Variants in PRKN observed in about 807,000 individuals in gnomAD.
PRKN encodes the protein parkin RBR E3 ubiquitin protein ligase.
PRKN carries 56 observed loss-of-function variants against 59.5 expected under a neutral mutation model. That is an observed-to-expected ratio of 0.94 (90% confidence interval 0.76 to 1.18). PRKN has a LOEUF of 1.18. Ranked by LOEUF, PRKN falls within the 50% of genes most tolerant of loss-of-function variation. The probability of loss-of-function intolerance (pLI) is 0.00; values close to 1 mark genes in which losing one functional copy is unlikely to be tolerated. For synonymous variants in PRKN, 250 were observed against 222.1 expected (o/e 1.13, Z -1.12); for missense variants, 657 against 596.4 (o/e 1.10, Z -1.06).
chr6:161,757,642 A>C (rs1223087666), intron 7 of PRKN, among the ~76,000 whole-genome samples: 1 of 151,976 alleles, frequency 6.6e-6, no homozygotes, highest in Non-Finnish European at 1.5e-5. Flanking sequence ...GTTCAAGACC[A>C]GCCTGACCAA....
At chr6:162,707,172 A>C (rs1234952734) in intron 1 of PRKN, among the ~76,000 whole-genome samples, 2 of 152,208 alleles carry the variant, frequency 1.3e-5, no homozygotes, top group Non-Finnish European at 2.9e-5. Context: ...GACCAAAATC[A>C]AGATAATTCT....
chr6:162,717,927 AT>A (rs892009545), intron 1 of PRKN, among the ~76,000 whole-genome samples: 4 of 152,228 alleles, frequency 2.6e-5, no homozygotes, highest in African/African-American at 9.6e-5. Flanking sequence ...GCTTTTCAGT[AT>A]TTCCAAAACA....
intron 1 of PRKN, among the ~76,000 whole-genome samples, chr6:162,720,169 T>C (rs925713569): frequency 1.2e-4 from 19 of 152,162 alleles, no homozygotes; most frequent in African/African-American, 4.1e-4. Context: ...TCAACAATTA[T>C]GTAAATAAAT....
intron 5 of PRKN, among the ~76,000 whole-genome samples, chr6:162,014,742 T>TACTCC (rs1236890918): frequency 3.9e-5 from 6 of 152,104 alleles, no homozygotes; most frequent in Admixed American, 3.9e-4. Flanking sequence ...GGGAGCTCCT[T>TACTCC]ACTCCACTCC....
At chr6:162,203,993 G>T (rs547685455) in intron 3 of PRKN, among the ~76,000 whole-genome samples, 1 of 152,224 alleles carries the variant, frequency 6.6e-6, no homozygotes, top group Admixed American at 6.5e-5. Flanking sequence ...CCCTGTGCGC[G>T]TGTGTGTGCA....
intron 1 of PRKN, among the ~76,000 whole-genome samples, chr6:162,585,344 A>G (rs1780999348): frequency 6.6e-6 from 1 of 152,184 alleles, no homozygotes; most frequent in Non-Finnish European, 1.5e-5. Flanking sequence ...ATGTCCTCCG[A>G]CAGCAAACTA....
At chr6:162,488,110 T>C (rs1025550320) in intron 1 of PRKN, among the ~76,000 whole-genome samples, 1 of 151,194 alleles carries the variant, frequency 6.6e-6, no homozygotes, top group Non-Finnish European at 1.5e-5. Context: ...ATTTTTCACT[T>C]GTCCTGATAA....
chr6:162,587,170 T>A (rs1387461408), intron 1 of PRKN, among the ~76,000 whole-genome samples: 1 of 152,172 alleles, frequency 6.6e-6, no homozygotes, highest in African/African-American at 2.4e-5. Context: ...GGAGTCTCAC[T>A]CTGTTACCCA....
intron 7 of PRKN, among the ~76,000 whole-genome samples, chr6:161,691,824 T>C (rs897174243): frequency 2.0e-5 from 3 of 152,034 alleles, no homozygotes; most frequent in African/African-American, 4.8e-5. Context: ...GTTGGGTGAG[T>C]CAAACTTTGT....
chr6:162,690,263 G>C (rs1273806826), intron 1 of PRKN, among the ~76,000 whole-genome samples: 4 of 152,142 alleles, frequency 2.6e-5, no homozygotes, highest in Non-Finnish European at 5.9e-5. Context: ...TGCATAAACA[G>C]ACTTGAAATT....
intron 1 of PRKN, among the ~76,000 whole-genome samples, chr6:162,564,684 G>A (rs528784636): frequency 1.6e-4 from 24 of 152,208 alleles, no homozygotes; most frequent in African/African-American, 4.3e-4. Context: ...TACAGGCTAG[G>A]AGAGAATGGC....
At chr6:161,591,335 T>G (rs1274700960) in intron 7 of PRKN, among the ~76,000 whole-genome samples, 1 of 152,118 alleles carries the variant, frequency 6.6e-6, no homozygotes, top group African/African-American at 2.4e-5. Context: ...AGTCACTCAG[T>G]ATCACTAGGG....
chr6:161,885,613 C>T (rs2128230680), intron 6 of PRKN, among the ~76,000 whole-genome samples: 1 of 144,980 alleles, frequency 6.9e-6, no homozygotes, highest in Admixed American at 7.2e-5. Flanking sequence ...TGCAGTGGGC[C>T]AAGATTGCAC....
chr6:161,665,837 C>A (rs571078689), intron 7 of PRKN, among the ~76,000 whole-genome samples: 1 of 152,350 alleles, frequency 6.6e-6, no homozygotes, highest in East Asian at 1.9e-4. Flanking sequence ...CCCCTTTACC[C>A]TCTCAGCAGC....
At chr6:162,054,244 C>T in intron 4 of PRKN, 70 bp from the exon 5 acceptor site, 1 of 935,146 alleles carries the variant, frequency 1.1e-6, no homozygotes, top group Non-Finnish European at 1.7e-6. Flanking sequence ...GACATGTTTC[C>T]ACTTATGTTA....
At position 161,395,548 on chromosome 6, in the gene PRKN, C is replaced by T. The variant is rs558380010; in HGVS notation, c.1084-8671G>A. Among the ~76,000 whole-genome samples the T allele has an allele frequency of 9.9e-5, 15 of 152,176 alleles. No homozygotes were observed. The highest frequency in any genetic ancestry group is 1.9e-4 in the Non-Finnish European group (13 of 68,036). On this transcript the variant is annotated intron_variant, in intron 9 of 11. Transcript: ENST00000366898. This position sits in a 1 kb window ranked among gnomAD's most constrained non-coding sequence, Gnocchi z 5.0. Reference sequence around the variant, plus strand: ...GGACTTTCCATTTTGATTGCTTTCGCGAGCCTTGTCAGTCACAGGCTTAGC... The same window carrying T: ...GGACTTTCCATTTTGATTGCTTTCGTGAGCCTTGTCAGTCACAGGCTTAGC...
chr6:162,172,822 G>T (rs1783351044), intron 4 of PRKN, among the ~76,000 whole-genome samples: 1 of 152,112 alleles, frequency 6.6e-6, no homozygotes, highest in African/African-American at 2.4e-5. Flanking sequence ...CCAGCCAATG[G>T]GTGCCTCGGT....
chr6:161,740,656 C>T (rs568459084), intron 7 of PRKN, among the ~76,000 whole-genome samples: 2 of 152,330 alleles, frequency 1.3e-5, no homozygotes, highest in Non-Finnish European at 2.9e-5. Flanking sequence ...CTGTAATGAA[C>T]GGCTGACACT....
chr6:161,624,630 A>C (rs1005322892), intron 7 of PRKN, among the ~76,000 whole-genome samples: 1 of 152,230 alleles, frequency 6.6e-6, no homozygotes, highest in Non-Finnish European at 1.5e-5. Context: ...CTGGGAGAAA[A>C]ACACATTCGC....
Sources: allele counts gnomAD v4.1 joint callset (sites outside exome capture counted in the v4.1 genomes callset), GRCh38; gene constraint gnomAD v4.1.1; non-coding constraint Gnocchi (gnomAD v3.1); transcripts MANE v1.5; gene names NCBI Gene and HGNC (gene_info 2026-07-23, HGNC 2026-07-21).